Variants in LETMD1 observed in about 807,000 individuals in gnomAD.
LETMD1 encodes the protein LETM1 domain containing 1.
LETMD1 carries 30 observed loss-of-function variants against 43.9 expected under a neutral mutation model. The ratio of observed to expected loss-of-function variants is 0.68; its 90% CI spans 0.51 to 0.93. The LOEUF (loss-of-function observed/expected upper bound fraction) is 0.93, where lower values mean the gene tolerates loss of function less well. Among genes scored for constraint, LETMD1 ranks in the 40% least tolerant of loss-of-function variants. The pLI is 0.00. For synonymous variants in LETMD1, 176 were observed against 163.1 expected, an observed-to-expected ratio of 1.08 and a Z score of -0.60; for missense variants, 413 against 447.7, an observed-to-expected ratio of 0.92 and a Z score of 0.70.
chr12:51,054,463 A>G (rs1947057348), intron 4 of LETMD1, among the ~76,000 whole-genome samples: 1 of 152,174 alleles, frequency 6.6e-6, no homozygotes, highest in African/African-American at 2.4e-5. Flanking sequence ...GGAAAGTCCA[A>G]TATCACTCTT....
chr12:51,050,255 C>T (rs1945630584), intron 2 of LETMD1, among the ~76,000 whole-genome samples: 1 of 147,750 alleles, frequency 6.8e-6, no homozygotes, highest in African/African-American at 2.5e-5. Context: ...TTGAGTCTCA[C>T]CGTGTCGCCC....
At chr12:51,050,968 G>A (rs906582503) in intron 2 of LETMD1, among the ~76,000 whole-genome samples, 35 of 149,962 alleles carry the variant, frequency 2.3e-4, no homozygotes, top group African/African-American at 8.6e-4. Context: ...AGCCAAGATC[G>A]CACCATTGCA....
At chr12:51,067,201 A>G in the LETMD1 span, among the ~76,000 whole-genome samples, 1 of 152,102 alleles carries the variant, frequency 6.6e-6, no homozygotes, top group Non-Finnish European at 1.5e-5. This position sits in a 1 kb window ranked among gnomAD's most constrained non-coding sequence, Gnocchi z 4.1. Context: ...AGGAATCAGT[A>G]TTTAGGAAAC....
At chr12:51,048,613 T>C in intron 1 of LETMD1, 135 bp downstream of exon 1, 1 of 1,153,166 alleles carries the variant, frequency 8.7e-7, no homozygotes, top group Non-Finnish European at 1.2e-6. Flanking sequence ...TGTTCAGGAT[T>C]CAAACTCCGA....
intron 7 of LETMD1, chr12:51,056,997 G>A (rs1947918706): frequency 1.3e-5 from 2 of 155,452 alleles, no homozygotes. Context: ...TGAACTCCTG[G>A]CCTCAAGCAA....
downstream of LETMD1, chr12:51,062,567 G>C (rs1937683502): frequency 1.3e-5 from 2 of 152,150 alleles, no homozygotes; most frequent in South Asian, 2.1e-4. Context: ...TCTGGGAGTT[G>C]CATGTAGCAT....
At chr12:51,058,284 G>A in intron 8 of LETMD1, 156 bp downstream of exon 8, 1 of 627,520 alleles carries the variant, frequency 1.6e-6, no homozygotes, top group African/African-American at 1.8e-5. Flanking sequence ...TGCATGCCCG[G>A]CAGGTAACGA....
chr12:51,064,288 G>C (rs779718346), downstream of LETMD1: 49 of 1,612,930 alleles, frequency 3.0e-5, no homozygotes, highest in Non-Finnish European at 4.2e-5. Flanking sequence ...ACAGCCAGAG[G>C]CTCCTCTAGG....
the LETMD1 span, among the ~76,000 whole-genome samples, chr12:51,066,728 T>G: frequency 6.6e-6 from 1 of 152,228 alleles, no homozygotes; most frequent in African/African-American, 2.4e-5. Flanking sequence ...GGTCTGATCC[T>G]GAATTATAAA....
the LETMD1 span, among the ~76,000 whole-genome samples, chr12:51,065,802 A>G: frequency 6.6e-6 from 1 of 152,222 alleles, no homozygotes; most frequent in African/African-American, 2.4e-5. Context: ...TGTGTGTAAC[A>G]GAATGACTCA....
chr12:51,059,519 T>A lies in LETMD1; in HGVS notation c.*88T>A. 8.6e-7 allele frequency: 1 copy of A among 1,167,096 alleles called. No homozygotes were observed. The highest frequency in any genetic ancestry group is 1.3e-6 in the Non-Finnish European group (1 of 777,564). The allele number at this position is 1,167,096 out of a possible 1,614,324, so 72.3% of individuals were successfully genotyped here. On this transcript the variant is annotated 3_prime_UTR_variant, in exon 9 of 9. Transcript: ENST00000262055. ...AGCACTTGCCAGCAAAGTCTGTGTG[T>A]ACTGTTAAGTGTGTGGGAGGCAGAG...
Position 51,059,519 on chromosome 12 carries a change from T to C in LETMD1, c.*88T>C. 1 of 1,167,096 alleles carries C rather than the reference T, an allele frequency of 8.6e-7. No homozygotes were observed. Among genetic ancestry groups the C allele is most frequent in the Non-Finnish European group, 1.3e-6 (1 of 777,564 alleles). 72.3% of individuals were successfully genotyped at this position (1,167,096 alleles called of 1,614,324 possible). A position where few individuals can be genotyped will look rare whatever the true frequency, so the allele number is the denominator to read the frequency against. On this transcript the variant is annotated 3_prime_UTR_variant, in exon 9 of 9. Coordinates refer to ENST00000262055, the MANE Select transcript of LETMD1 (RefSeq NM_015416.5). ...AGCACTTGCCAGCAAAGTCTGTGTG[T>C]ACTGTTAAGTGTGTGGGAGGCAGAG...
At chr12:51,067,865 G>A in the LETMD1 span, 1 of 1,614,206 alleles carries the variant, frequency 6.2e-7, no homozygotes, top group Non-Finnish European at 8.5e-7. The surrounding 1 kb of genome is among the most constrained non-coding windows in gnomAD (Gnocchi z 4.1). Flanking sequence ...GCAGGAAGAA[G>A]TAATCATCCA....
At chr12:51,062,720 G>C (rs575607426), downstream of LETMD1, 1 of 152,222 alleles carries the variant, frequency 6.6e-6, no homozygotes, top group South Asian at 2.1e-4. Context: ...GTAGATCCAG[G>C]AAAAAAGAAC....
chr12:51,056,067 A>T (rs375684951), intron 5 of LETMD1, 46 bp downstream of exon 5: 8 of 1,609,348 alleles, frequency 5.0e-6, no homozygotes, highest in Non-Finnish European at 6.8e-6. Flanking sequence ...ATCTTGTTAG[A>T]TTCAGTGTGC....
chr12:51,062,417 A>G (rs1312104258), downstream of LETMD1: 1 of 152,258 alleles, frequency 6.6e-6, no homozygotes, highest in Non-Finnish European at 1.5e-5. Flanking sequence ...AAAGGAAATC[A>G]GTGCTGTTCA....
At chr12:51,062,269 A>G (rs1033581979), downstream of LETMD1, 2 of 152,160 alleles carry the variant, frequency 1.3e-5, no homozygotes, top group African/African-American at 4.8e-5. Context: ...CCCCCAACAC[A>G]GTTTTTCACT....
intron 1 of LETMD1, chr12:51,048,737 T>A: frequency 1.7e-6 from 1 of 597,648 alleles, no homozygotes; most frequent in Non-Finnish European, 2.9e-6. Context: ...GCTCAGGTTT[T>A]ACCGCTGCTA....
At chr12:51,060,795 AGGAGGCTGAG>A (rs1257570881), downstream of LETMD1, among the ~76,000 whole-genome samples, 1 of 151,002 alleles carries the variant, frequency 6.6e-6, no homozygotes, top group Non-Finnish European at 1.5e-5. Flanking sequence ...CCAGCTACTC[AGGAGGCTGAG>A]GCAGGAGAAT....
Sources: allele counts gnomAD v4.1 joint callset (sites outside exome capture counted in the v4.1 genomes callset), GRCh38; gene constraint gnomAD v4.1.1; non-coding constraint Gnocchi (gnomAD v3.1); transcripts MANE v1.5; gene names NCBI Gene and HGNC (gene_info 2026-07-23, HGNC 2026-07-21).